The following LAMA2 variants were observed in gnomAD, a reference collection of about 807,000 sequenced individuals.
The protein encoded by LAMA2 is laminin subunit alpha 2.
Under a neutral mutation model 364.8 loss-of-function variants are expected in LAMA2, and 269 were observed. That is an observed-to-expected ratio of 0.74 (90% CI 0.67 to 0.82). LAMA2 has a LOEUF of 0.82. LAMA2 is among the 40% of genes least tolerant of loss of function. The pLI is 0.00. For synonymous variants in LAMA2, 1,379 were observed against 1,370.6 expected (o/e 1.01, Z -0.14); for missense variants, 3,807 against 3,873.2 (o/e 0.98, Z 0.45).
intron 2 of LAMA2, among the ~76,000 whole-genome samples, chr6:129,053,749 G>C (rs911020925): frequency 1.3e-5 from 2 of 152,138 alleles, no homozygotes; most frequent in African/African-American, 4.8e-5. Flanking sequence ...CAGATTCATA[G>C]TGGCAAGAGG....
rs749221498 is a variant in LAMA2, at chr6:129,440,054, A to G, written c.6086-762A>G. Among the ~76,000 whole-genome samples, 8 of 152,170 alleles carry G rather than the reference A, an allele frequency of 5.3e-5. No homozygotes were observed. The East Asian group carries it at 7.7e-4, about 15-fold the overall frequency. On this transcript the variant is annotated intron_variant, in intron 42 of 64. Coordinates refer to ENST00000421865, the MANE Select transcript of LAMA2 (RefSeq NM_000426.4). ...AAGATACTGTTATTATCCCCACTTTACAGGTGAGAAACAGACAGAGGATAC... is the reference window on the plus strand; with the variant it reads ...AAGATACTGTTATTATCCCCACTTTGCAGGTGAGAAACAGACAGAGGATAC...
chr6:129,381,063 A>G (rs1461594733), intron 34 of LAMA2, among the ~76,000 whole-genome samples: 4 of 152,200 alleles, frequency 2.6e-5, no homozygotes, highest in Non-Finnish European at 5.9e-5. Flanking sequence ...TTGGTGTGAA[A>G]TTATGATCTT....
intron 31 of LAMA2, among the ~76,000 whole-genome samples, chr6:129,349,807 T>C (rs1776758890): frequency 1.3e-5 from 2 of 152,130 alleles, no homozygotes; most frequent in African/African-American, 2.4e-5. Flanking sequence ...TTCTGAACAC[T>C]ATGACTACAC....
At chr6:129,350,528 G>A (rs9492305) in intron 31 of LAMA2, among the ~76,000 whole-genome samples, 8,734 of 152,228 alleles carry the variant, frequency 0.057, 307 homozygotes, top group Middle Eastern at 0.14. Context: ...CCCCTAAGTG[G>A]AACAAGTTTT....
intron 41 of LAMA2, among the ~76,000 whole-genome samples, chr6:129,437,731 A>T (rs1031402611): frequency 1.3e-5 from 2 of 152,204 alleles, no homozygotes; most frequent in Middle Eastern, 6.8e-3. Context: ...GATGTAAGAA[A>T]AAGAAGACAG....
At chr6:129,388,130 C>A (rs143906156) in intron 35 of LAMA2, among the ~76,000 whole-genome samples, 1 of 151,742 alleles carries the variant, frequency 6.6e-6, no homozygotes, top group Admixed American at 6.6e-5. Flanking sequence ...CGGTGGCATG[C>A]GCTATAATTC....
At position 129,210,402 on chromosome 6, in the gene LAMA2, G is replaced by GCA. The variant is rs57169956; in HGVS notation, c.1782+17567_1782+17568dup. Among the ~76,000 whole-genome samples the GCA allele has an allele frequency of 3.4e-3, 518 of 150,156 alleles. 1 individual carries two copies. Among genetic ancestry groups the GCA allele is most frequent in the Middle Eastern group, 0.014 (4 of 292 alleles). On this transcript the variant is annotated intron_variant, in intron 12 of 64. Coordinates refer to ENST00000421865, the MANE Select transcript of LAMA2 (RefSeq NM_000426.4). The stretch of plus-strand genomic sequence containing the variant: ...TAGAAACCGAACCACGCATGTGCAC[G>GCA]CACACACACACACACACACCACACC...
chr6:129,314,260 G>A (rs1227032834), intron 23 of LAMA2, among the ~76,000 whole-genome samples: 2 of 152,032 alleles, frequency 1.3e-5, no homozygotes, highest in East Asian at 3.9e-4. Context: ...TTAGCTGGGC[G>A]CGGTGGCGGG....
rs748221532 is a variant in LAMA2, at chr6:128,982,615, A to G, written c.113-67303A>G. On this transcript the variant is annotated intron_variant, in intron 1 of 64. Coordinates refer to ENST00000421865, the MANE Select transcript of LAMA2 (RefSeq NM_000426.4). The stretch of plus-strand genomic sequence containing the variant: ...TTTTGTTTTATTATTATTTTATTTT[A>G]TTTTATTATACTTTAAGTTTTAGGG... 8.0e-4 allele frequency among the ~76,000 whole-genome samples: 121 copies of G among 150,608 alleles called. 2 individuals carry two copies. Among genetic ancestry groups the G allele is most frequent in the Non-Finnish European group, 1.2e-3 (81 of 67,564 alleles).
In LAMA2 at chr6:128,889,466, A is replaced by T. The variant is rs544672753; in HGVS notation, c.112+6109A>T. On this transcript the variant is annotated intron_variant, in intron 1 of 64. Transcript: ENST00000421865. ...AACAATAACGTTTTGGACTATAGTA[A>T]TGCAATTTTGGCCTAATTTAATTCT... Among the ~76,000 whole-genome samples the T allele has an allele frequency of 2.0e-5, 3 of 152,244 alleles. No homozygotes were observed. In the South Asian group the frequency reaches 6.2e-4, roughly 32 times the overall value.
chr6:129,379,204 A>G (rs1778541165), intron 34 of LAMA2, among the ~76,000 whole-genome samples: 1 of 152,156 alleles, frequency 6.6e-6, no homozygotes, highest in Non-Finnish European at 1.5e-5. Context: ...GGGGCCTACC[A>G]GAGGGCGGAG....
intron 35 of LAMA2, among the ~76,000 whole-genome samples, chr6:129,391,181 GT>G (rs1177774521): frequency 6.6e-6 from 1 of 151,762 alleles, no homozygotes; most frequent in African/African-American, 2.4e-5. Context: ...ACAGGTCACT[GT>G]TTTTTTTAAA....
chr6:129,447,388 G>A (rs1782443465), intron 45 of LAMA2, among the ~76,000 whole-genome samples: 1 of 152,188 alleles, frequency 6.6e-6, no homozygotes. Flanking sequence ...GTGGAGTCAG[G>A]TAACAGGGAG....
At chr6:129,135,112 A>G (rs551279311) in intron 4 of LAMA2, among the ~76,000 whole-genome samples, 66 of 152,328 alleles carry the variant, frequency 4.3e-4, no homozygotes, top group Admixed American at 7.2e-4. Flanking sequence ...CATCCAACAC[A>G]AATTCATGAA....
At chr6:129,483,348 A>C (rs1468069536) in intron 55 of LAMA2, among the ~76,000 whole-genome samples, 1 of 152,070 alleles carries the variant, frequency 6.6e-6, no homozygotes. Flanking sequence ...GCATAGTAAG[A>C]AAAGAACAAG....
At chr6:129,076,425 T>G (rs943756659) in intron 3 of LAMA2, among the ~76,000 whole-genome samples, 1 of 144,906 alleles carries the variant, frequency 6.9e-6, no homozygotes, top group Non-Finnish European at 1.5e-5. Context: ...TATGTGTGTA[T>G]ATATATATAA....
intron 3 of LAMA2, among the ~76,000 whole-genome samples, chr6:129,086,614 G>T (rs528715098): frequency 1.3e-5 from 2 of 152,190 alleles, no homozygotes; most frequent in African/African-American, 4.8e-5. Flanking sequence ...TTTGCAAAAA[G>T]CAAAAGTAGG....
At chr6:129,483,528 G>A (rs1271187486) in intron 55 of LAMA2, among the ~76,000 whole-genome samples, 1 of 152,042 alleles carries the variant, frequency 6.6e-6, no homozygotes, top group East Asian at 1.9e-4. Context: ...TGTTAATGAA[G>A]ATATTAAAGA....
intron 1 of LAMA2, among the ~76,000 whole-genome samples, chr6:128,903,184 A>G (rs1451232025): frequency 6.6e-6 from 1 of 152,016 alleles, no homozygotes; most frequent in African/African-American, 2.4e-5. Context: ...TTTCACCAAG[A>G]TTTCTTTGTA....
Sources: gnomAD v4.1 joint callset for allele counts (sites outside exome capture counted in the v4.1 genomes callset) on GRCh38, gnomAD v4.1.1 for gene constraint, MANE v1.5 for transcripts, NCBI Gene and HGNC (gene_info 2026-07-23, HGNC 2026-07-21) for gene names.